The following KIAA0825 variants were observed in gnomAD, a reference collection of about 807,000 sequenced individuals.
KIAA0825 encodes KIAA0825, also known as uncharacterized protein KIAA0825.
In KIAA0825, 119 loss-of-function variants were observed where a neutral mutation model predicts 147.6. The ratio of observed to expected loss-of-function variants is 0.81; its 90% CI spans 0.69 to 0.94. KIAA0825 has a LOEUF of 0.94. Ranked by LOEUF, KIAA0825 falls within the 40% of genes least tolerant of loss-of-function variation. The pLI is 0.00. For missense variants in KIAA0825, 1,381 were observed against 1,472.7 expected (o/e 0.94, Z 1.02); for synonymous variants, 470 against 518.1 (o/e 0.91, Z 1.26).
At chr5:94,603,055 C>G (rs1285181247) in intron 1 of KIAA0825, among the ~76,000 whole-genome samples, 2 of 152,048 alleles carry the variant, frequency 1.3e-5, no homozygotes, top group African/African-American at 4.8e-5. Context: ...TCTTGAACTC[C>G]TGACCTCATG....
At chr5:94,224,276 TA>T (rs1307704844) in intron 20 of KIAA0825, among the ~76,000 whole-genome samples, 3 of 151,716 alleles carry the variant, frequency 2.0e-5, no homozygotes, top group Admixed American at 6.6e-5. Flanking sequence ...TTTATATTTT[TA>T]ATAAAGACTG....
intron 20 of KIAA0825, among the ~76,000 whole-genome samples, chr5:94,317,694 G>C (rs1443601279): frequency 6.6e-6 from 1 of 151,844 alleles, no homozygotes; most frequent in Admixed American, 6.6e-5. Context: ...CTATGAAACA[G>C]GGATCATAAT....
At chr5:94,406,133 G>A (rs1752033093) in intron 15 of KIAA0825, among the ~76,000 whole-genome samples, 1 of 151,980 alleles carries the variant, frequency 6.6e-6, no homozygotes, top group South Asian at 2.1e-4. Context: ...CACCTTGTTG[G>A]CAAGGATGGT....
At chr5:94,591,842 T>TC (rs1784410718) in intron 1 of KIAA0825, among the ~76,000 whole-genome samples, 1 of 152,108 alleles carries the variant, frequency 6.6e-6, no homozygotes, top group Non-Finnish European at 1.5e-5. Flanking sequence ...CAAAGGCATA[T>TC]ATTACATGAT....
At chr5:94,512,751 G>A (rs1009671005) in intron 5 of KIAA0825, among the ~76,000 whole-genome samples, 1 of 152,038 alleles carries the variant, frequency 6.6e-6, no homozygotes, top group African/African-American at 2.4e-5. Flanking sequence ...CAAAATAATA[G>A]CCGGGCATGG....
chr5:94,505,070 T>C (rs1381394080), intron 5 of KIAA0825, among the ~76,000 whole-genome samples: 1 of 151,858 alleles, frequency 6.6e-6, no homozygotes, highest in East Asian at 2.0e-4. Flanking sequence ...TTTAAAAAGT[T>C]AATCTCAGGC....
rs142357497 is a variant in KIAA0825 at position 94,383,113 on chromosome 5, T to G, written c.3710+1255A>C. Reference sequence around the variant, plus strand: ...CCAAATATCTTTGGGACAGTATAGGTGCACACCTGGTGACTTGTGTATGAA... The same window carrying G: ...CCAAATATCTTTGGGACAGTATAGGGGCACACCTGGTGACTTGTGTATGAA... On this transcript the variant is annotated intron_variant, in intron 20 of 20. Transcript: ENST00000682413. Among the ~76,000 whole-genome samples the G allele has an allele frequency of 4.2e-3, 637 of 152,196 alleles. 7 individuals carry two copies. The highest frequency in any genetic ancestry group is 0.014 in the African/African-American group (586 of 41,552).
intron 20 of KIAA0825, among the ~76,000 whole-genome samples, chr5:94,327,658 A>G (rs1780832034): frequency 1.3e-5 from 2 of 152,070 alleles, no homozygotes. Context: ...TTGCCTGAAA[A>G]CCTATATTAT....
chr5:94,608,265 GTTTA>G (rs895930950), intron 1 of KIAA0825, among the ~76,000 whole-genome samples: 2 of 122,236 alleles, frequency 1.6e-5, no homozygotes, highest in African/African-American at 3.0e-5. Context: ...TTATTTATTT[GTTTA>G]TTTATTTATT....
At chr5:94,548,503 A>G (rs1027018242) in intron 2 of KIAA0825, among the ~76,000 whole-genome samples, 2 of 152,170 alleles carry the variant, frequency 1.3e-5, no homozygotes, top group Non-Finnish European at 2.9e-5. Context: ...GAAAGAAGGA[A>G]GAGATAACCA....
Position 94,554,989 on chromosome 5 carries a change from T to C in KIAA0825, c.-1-17862A>G, listed in dbSNP as rs558978652. Reference sequence around the variant, plus strand: ...AAAAATTAATATTTTACCTCTTATATATGTTGATTTATTTTTCTGCCATAT... The same window carrying C: ...AAAAATTAATATTTTACCTCTTATACATGTTGATTTATTTTTCTGCCATAT... On this transcript the variant is annotated intron_variant, in intron 2 of 20. Coordinates refer to ENST00000682413, the MANE Select transcript of KIAA0825 (RefSeq NM_001145678.3). 5.9e-5 allele frequency among the ~76,000 whole-genome samples: 9 copies of C among 151,866 alleles called. No individual in the cohort carries two copies. The South Asian group carries it at 1.2e-3, about 21-fold the overall frequency.
At chr5:94,468,638 GA>G (rs1760843050) in intron 10 of KIAA0825, among the ~76,000 whole-genome samples, 2 of 152,144 alleles carry the variant, frequency 1.3e-5, no homozygotes, top group Non-Finnish European at 2.9e-5. Context: ...AATGGCCTTA[GA>G]AAAAGTGGAA....
At chr5:94,160,195 C>T (rs1017790025) in intron 20 of KIAA0825, among the ~76,000 whole-genome samples, 1 of 152,066 alleles carries the variant, frequency 6.6e-6, no homozygotes, top group Non-Finnish European at 1.5e-5. Flanking sequence ...TCTCTTCTCC[C>T]TTGGAAAGCC....
At chr5:94,263,914 G>A (rs985459459) in intron 20 of KIAA0825, among the ~76,000 whole-genome samples, 18 of 152,136 alleles carry the variant, frequency 1.2e-4, no homozygotes, top group Non-Finnish European at 2.1e-4. Flanking sequence ...AGAATATAGG[G>A]ATCATTGGTA....
chr5:94,311,087 T>C (rs1287275592), intron 20 of KIAA0825, among the ~76,000 whole-genome samples: 1 of 151,688 alleles, frequency 6.6e-6, no homozygotes, highest in Non-Finnish European at 1.5e-5. Flanking sequence ...AATAGGTTTA[T>C]GCCATTGCAT....
intron 5 of KIAA0825, among the ~76,000 whole-genome samples, chr5:94,496,462 CAG>C (rs1038576091): frequency 6.6e-6 from 1 of 152,124 alleles, no homozygotes; most frequent in African/African-American, 2.4e-5. Flanking sequence ...GAATGCAAAA[CAG>C]AGAACAGTTA....
At chr5:94,187,348 T>C (rs1001575490) in intron 20 of KIAA0825, among the ~76,000 whole-genome samples, 1 of 147,792 alleles carries the variant, frequency 6.8e-6, no homozygotes, top group Non-Finnish European at 1.5e-5. Context: ...CAGGAGTTCA[T>C]TGGAGGGAAG....
At chr5:94,280,563 C>A (rs1777411574) in intron 20 of KIAA0825, among the ~76,000 whole-genome samples, 1 of 151,956 alleles carries the variant, frequency 6.6e-6, no homozygotes, top group South Asian at 2.1e-4. Flanking sequence ...TGAATATAAA[C>A]CTCCTGTTTC....
chr5:94,519,367 A>G (rs962123487), intron 5 of KIAA0825: 2 of 893,350 alleles, frequency 2.2e-6, no homozygotes, highest in African/African-American at 3.6e-5. Flanking sequence ...TTATTCAGAA[A>G]TACACCTCAG....
Sources: gnomAD v4.1 joint callset for allele counts (sites outside exome capture counted in the v4.1 genomes callset) on GRCh38, gnomAD v4.1.1 for gene constraint, MANE v1.5 for transcripts, NCBI Gene and HGNC (gene_info 2026-07-23, HGNC 2026-07-21) for gene names.